H1-2: variants seen among roughly 807,000 people sequenced by gnomAD.
H1-2 encodes the protein histone H1.2.
H1-2 carries 7 observed loss-of-function variants against 7.2 expected under a neutral mutation model. The ratio of observed to expected loss-of-function variants is 0.97; its 90% CI spans 0.55 to 1.82. The LOEUF is 1.82. H1-2 is among the 40% of genes most tolerant of loss of function. The pLI, the probability that H1-2 is intolerant of heterozygous loss-of-function variation, is 0.00. For missense variants in H1-2, 703 were observed against 276.6 expected (o/e 2.54, Z -10.94); for synonymous variants, 300 against 118.2 (o/e 2.54, Z -9.98).
In H1-2 at chr6:26,055,832, C is replaced by G; in HGVS notation, c.597G>C (p.Lys199Asn). 2 of 1,612,390 alleles carry G rather than the reference C, an allele frequency of 1.2e-6. No homozygotes were observed. The highest frequency in any genetic ancestry group is 8.5e-7 in the Non-Finnish European group (1 of 1,179,436). Residue 199 changes from lysine to asparagine, a missense_variant, in exon 1 of 1, where the codon AAG (lysine) becomes AAC (asparagine). Physicochemically the swap from Lys to Asn is moderately conservative, Grantham distance 94. Transcript: ENST00000343677. ...AAKAVKPKAA[K>N]PKVVKPKKAA... ...CCTTCTTAGGCTTGACAACCTTGGG[C>G]TTAGCGGCCTTGGGCTTCACAGCCT...
In H1-2 at chr6:26,056,020, T is replaced by C. The variant is rs200367404; in HGVS notation, c.409A>G (p.Lys137Glu). The change falls in exon 1 of 1, where the codon AAG becomes GAG. Residue 137 changes from lysine to glutamate, a missense_variant. Coordinates refer to ENST00000343677, the MANE Select transcript of H1-2 (RefSeq NM_005319.4). ...GCGCCGCCAGCCGCCTTCTTGGGCT[T>C]CTTGGCTGCCCCAACTGGCTTCTTA... ...KPKKPVGAAK[K>E]PKKAAGGATP... 6 of 1,614,108 alleles carry C rather than the reference T, an allele frequency of 3.7e-6. No homozygotes were observed. The Admixed American group carries it at 6.7e-5, about 18-fold the overall frequency.
In H1-2 at chr6:26,056,029, C is replaced by T. The variant is rs1581645431; in HGVS notation, c.400G>A (p.Ala134Thr). Residue 134 changes from alanine (A) to threonine (T), a missense_variant, in exon 1 of 1, where the codon GCA (alanine) becomes ACA (threonine). Coordinates refer to ENST00000343677, the MANE Select transcript of H1-2 (RefSeq NM_005319.4). ...GGTKPKKPVGAAKKPKKAAGG... is the reference protein window; with the variant it reads ...GGTKPKKPVGTAKKPKKAAGG... ...GCCGCCTTCTTGGGCTTCTTGGCTGCCCCAACTGGCTTCTTAGGTTTGGTT... is the reference window on the plus strand; with the variant it reads ...GCCGCCTTCTTGGGCTTCTTGGCTGTCCCAACTGGCTTCTTAGGTTTGGTT... 2.5e-6 allele frequency: 4 copies of T among 1,614,052 alleles called. No homozygotes were observed. The highest frequency in any genetic ancestry group is 3.4e-6 in the Non-Finnish European group (4 of 1,180,014).
At position 26,056,398 on chromosome 6, in the gene H1-2, C is replaced by A. The variant is rs1554149758; in HGVS notation, c.31G>T (p.Ala11Ser). The change falls in exon 1 of 1, where the codon GCC becomes TCC. Residue 11 changes from alanine to serine, a missense_variant. Physicochemically the swap from Ala to Ser is moderately conservative, Grantham distance 99. Transcript: ENST00000343677. MSETAPAAPAAAPPAEKAPVK... is the reference protein window; with the variant it reads MSETAPAAPASAPPAEKAPVK... The stretch of plus-strand genomic sequence containing the variant: ...GGGGCCTTCTCCGCAGGAGGCGCGG[C>A]AGCGGGAGCGGCAGGAGCAGTCTCG... 4 of 1,600,394 alleles carry A rather than the reference C, an allele frequency of 2.5e-6. No homozygotes were observed. Among genetic ancestry groups the A allele is most frequent in the South Asian group, 2.2e-5 (2 of 89,842 alleles).
rs138866554 is a variant in H1-2 at position 26,056,415 on chromosome 6, G to A, written c.14C>T (p.Ala5Val). 37 of 1,596,978 alleles carry A rather than the reference G, an allele frequency of 2.3e-5. No homozygotes were observed. The highest frequency in any genetic ancestry group is 1.9e-4 in the African/African-American group (14 of 73,966). ...AGGCGCGGCAGCGGGAGCGGCAGGA[G>A]CAGTCTCGGACATGTTGAGAATCAA... MSET[A>V]PAAPAAAPPA... Residue 5 changes from alanine to valine, a missense_variant, in exon 1 of 1, where the codon GCT becomes GTT. Coordinates refer to ENST00000343677, the MANE Select transcript of H1-2 (RefSeq NM_005319.4).
rs61751205 is a variant in H1-2, at chr6:26,056,227, C to A, written c.202G>T (p.Ala68Ser). 31 of 1,614,128 alleles carry A rather than the reference C, an allele frequency of 1.9e-5. No homozygotes were observed. Among genetic ancestry groups the A allele is most frequent in the Non-Finnish European group, 2.5e-5 (29 of 1,180,056 alleles). ...SLAALKKALA[A>S]AGYDVEKNNS... Reference sequence around the variant, plus strand: ...TTTTTCTCCACATCATAGCCGGCGGCAGCCAACGCTTTTTTCAGAGCAGCC... The same window carrying A: ...TTTTTCTCCACATCATAGCCGGCGGAAGCCAACGCTTTTTTCAGAGCAGCC... The change falls in exon 1 of 1, where the codon GCC becomes TCC. Residue 68 changes from alanine to serine, a missense_variant. Physicochemically the swap from Ala to Ser is moderately conservative, Grantham distance 99 (BLOSUM62 1). Transcript: ENST00000343677.
At position 26,056,191 on chromosome 6, in the gene H1-2, T is replaced by A. The variant is rs756313281; in HGVS notation, c.238A>T (p.Ile80Phe). Residue 80 changes from isoleucine to phenylalanine, a missense_variant, in exon 1 of 1, where the codon ATC (isoleucine) becomes TTC (phenylalanine). By Grantham distance (21) the Ile-to-Phe change is conservative. Coordinates refer to ENST00000343677, the MANE Select transcript of H1-2 (RefSeq NM_005319.4). Reference sequence around the variant, plus strand: ...ACCAGGCTCTTGAGACCAAGTTTGATACGGCTGTTGTTTTTCTCCACATCA... The same window carrying A: ...ACCAGGCTCTTGAGACCAAGTTTGAAACGGCTGTTGTTTTTCTCCACATCA... ...GYDVEKNNSR[I>F]KLGLKSLVSK... The A allele has an allele frequency of 1.2e-6, 2 of 1,614,264 alleles. No homozygotes were observed. Among genetic ancestry groups the A allele is most frequent in the South Asian group, 1.1e-5 (1 of 91,092 alleles).
In H1-2 at chr6:26,055,841, C is replaced by T. The variant is rs533104162; in HGVS notation, c.588G>A (p.Lys196=). ...AKSAAKAVKP[K]AAKPKVVKPK... ...GCTTGACAACCTTGGGCTTAGCGGCCTTGGGCTTCACAGCCTTAGCAGCAC... is the reference window on the plus strand; with the variant it reads ...GCTTGACAACCTTGGGCTTAGCGGCTTTGGGCTTCACAGCCTTAGCAGCAC... The change falls in exon 1 of 1, where the codon AAG becomes AAA. Residue 196 remains lysine, a synonymous_variant. Coordinates refer to ENST00000343677, the MANE Select transcript of H1-2 (RefSeq NM_005319.4). 6 of 1,613,656 alleles carry T rather than the reference C, an allele frequency of 3.7e-6. No homozygotes were observed. Among genetic ancestry groups the T allele is most frequent in the South Asian group, 1.1e-5 (1 of 91,006 alleles).
chr6:26,056,085 T>G lies in H1-2; in HGVS notation c.344A>C (p.Glu115Ala). The G allele has an allele frequency of 1.2e-6, 2 of 1,614,206 alleles. No individual in the cohort carries two copies. The highest frequency in any genetic ancestry group is 1.7e-6 in the Non-Finnish European group (2 of 1,180,032). The change falls in exon 1 of 1, where the codon GAA becomes GCA. Residue 115 changes from glutamate to alanine, a missense_variant. Transcript: ENST00000343677. Reference sequence around the variant, plus strand: ...CGCCTTTTTAACCTTGGGCTTGGCTTCCCCGGAGGCTGCCTTCTTGTTGAG... The same window carrying G: ...CGCCTTTTTAACCTTGGGCTTGGCTGCCCCGGAGGCTGCCTTCTTGTTGAG... Reference protein sequence around the residue: ...FKLNKKAASGEAKPKVKKAGG... With the variant: ...FKLNKKAASGAAKPKVKKAGG...
At position 26,055,868 on chromosome 6, in the gene H1-2, T is replaced by C. The variant is rs1436157574; in HGVS notation, c.561A>G (p.Lys187=). ...TGGGCTTCACAGCCTTAGCAGCACTTTTGGCAGCTTTCTTGGGCTTCGCAA... is the reference window on the plus strand; with the variant it reads ...TGGGCTTCACAGCCTTAGCAGCACTCTTGGCAGCTTTCTTGGGCTTCGCAA... ...AKVAKPKKAA[K]SAAKAVKPKA... is the part of the protein sequence containing the mutation. The change falls in exon 1 of 1, where the codon AAA becomes AAG. Residue 187 remains lysine, a synonymous_variant. Transcript: ENST00000343677. 1.9e-6 allele frequency: 3 copies of C among 1,613,988 alleles called. No individual in the cohort carries two copies. Among genetic ancestry groups the C allele is most frequent in the Non-Finnish European group, 1.7e-6 (2 of 1,179,956 alleles).
At position 26,055,958 on chromosome 6, in the gene H1-2, TTTCTTCGGTGTTTTCTTAGCGCTC is replaced by T. The variant is rs769833501; in HGVS notation, c.447_470del (p.Ser150_Lys157del). ...CAGTGGCCGCGGCCGGCTTCTTCGC[TTTCTTCGGTGTTTTCTTAGCGCTC>T]TTCTTCGGAGTTGCGCCGCCAGCCG... On this transcript the variant is annotated inframe_deletion, in exon 1 of 1. Transcript: ENST00000343677. The T allele has an allele frequency of 3.7e-6, 6 of 1,614,064 alleles. No homozygotes were observed. The highest frequency in any genetic ancestry group is 1.1e-5 in the South Asian group (1 of 91,080).
rs1332170864 is a variant in H1-2 at position 26,056,305 on chromosome 6, C to G, written c.124G>C (p.Glu42Gln). The G allele has an allele frequency of 3.2e-5, 52 of 1,614,020 alleles. No homozygotes were observed. Among genetic ancestry groups the G allele is most frequent in the Non-Finnish European group, 4.3e-5 (51 of 1,179,972 alleles). Residue 42 changes from glutamate to glutamine, a missense_variant, in exon 1 of 1, where the codon GAG (glutamate) becomes CAG (glutamine). Transcript: ENST00000343677. ...PRKASGPPVS[E>Q]LITKAVAASK... ...GCGGCCACAGCCTTGGTGATGAGCTCTGACACCGGGGGACCAGACGCCTTA... is the reference window on the plus strand; with the variant it reads ...GCGGCCACAGCCTTGGTGATGAGCTGTGACACCGGGGGACCAGACGCCTTA...
chr6:26,055,826 C>G lies in H1-2; in HGVS notation c.603G>C (p.Lys201Asn), dbSNP rs762236209. The change falls in exon 1 of 1, where the codon AAG becomes AAC. Residue 201 changes from lysine (K) to asparagine (N), a missense_variant. By Grantham distance (94) the Lys-to-Asn change is moderately conservative. Coordinates refer to ENST00000343677, the MANE Select transcript of H1-2 (RefSeq NM_005319.4). ...GCGCCGCCTTCTTAGGCTTGACAAC[C>G]TTGGGCTTAGCGGCCTTGGGCTTCA... ...KAVKPKAAKP[K>N]VVKPKKAAPK... is the part of the protein sequence containing the mutation. The G allele has an allele frequency of 5.6e-6, 9 of 1,611,538 alleles. 1 individual carries two copies. The Admixed American group carries it at 8.4e-5, about 15-fold the overall frequency.
In H1-2 at chr6:26,056,054, T is replaced by G. The variant is rs755697925; in HGVS notation, c.375A>C (p.Gly125=). 6.2e-7 allele frequency: 1 copy of G among 1,614,182 alleles called. No homozygotes were observed. Among genetic ancestry groups the G allele is most frequent in the Non-Finnish European group, 8.5e-7 (1 of 1,180,038 alleles). Residue 125 remains glycine, a synonymous_variant, in exon 1 of 1, where the codon GGA becomes GGC. Transcript: ENST00000343677. The part of the protein sequence containing the change: ...EAKPKVKKAG[G]TKPKKPVGAA... ...CCCCAACTGGCTTCTTAGGTTTGGT[T>G]CCGCCCGCCTTTTTAACCTTGGGCT...
rs1394482099 is a variant in H1-2, at chr6:26,056,255, A to G, written c.174T>C (p.Ser58=). The G allele has an allele frequency of 6.2e-7, 1 of 1,614,218 alleles. No homozygotes were observed. Among genetic ancestry groups the G allele is most frequent in the Admixed American group, 1.7e-5 (1 of 60,024 alleles). ...CCAACGCTTTTTTCAGAGCAGCCAGAGAAACTCCGCTACGCTCTTTAGAGG... is the reference window on the plus strand; with the variant it reads ...CCAACGCTTTTTTCAGAGCAGCCAGGGAAACTCCGCTACGCTCTTTAGAGG... ...VAASKERSGV[S]LAALKKALAA... Residue 58 remains serine, a synonymous_variant, in exon 1 of 1, where the codon TCT becomes TCC. Coordinates refer to ENST00000343677, the MANE Select transcript of H1-2 (RefSeq NM_005319.4).
chr6:26,055,930 T>C lies in H1-2; in HGVS notation c.499A>G (p.Thr167Ala), dbSNP rs1289534201. ...KAKKPAAATV[T>A]KKVAKSPKKA... Reference sequence around the variant, plus strand: ...TTTGGGCTCTTAGCCACTTTCTTGGTTACAGTGGCCGCGGCCGGCTTCTTC... The same window carrying C: ...TTTGGGCTCTTAGCCACTTTCTTGGCTACAGTGGCCGCGGCCGGCTTCTTC... Residue 167 changes from threonine (T) to alanine (A), a missense_variant, in exon 1 of 1, where the codon ACC (threonine) becomes GCC (alanine). By Grantham distance (58) the Thr-to-Ala change is moderately conservative. Coordinates refer to ENST00000343677, the MANE Select transcript of H1-2 (RefSeq NM_005319.4). 1.9e-6 allele frequency: 3 copies of C among 1,614,150 alleles called. No homozygotes were observed. Among genetic ancestry groups the C allele is most frequent in the Non-Finnish European group, 1.7e-6 (2 of 1,180,028 alleles).
chr6:26,056,021 C>T lies in H1-2; in HGVS notation c.408G>A (p.Lys136=), dbSNP rs150843466. ...CGCCGCCAGCCGCCTTCTTGGGCTT[C>T]TTGGCTGCCCCAACTGGCTTCTTAG... ...TKPKKPVGAA[K]KPKKAAGGAT... is the part of the protein sequence containing the mutation. Residue 136 remains lysine, a synonymous_variant, in exon 1 of 1, where the codon AAG becomes AAA. Transcript: ENST00000343677. The T allele has an allele frequency of 4.6e-5, 75 of 1,614,112 alleles. No homozygotes were observed. The African/African-American group carries it at 8.5e-4, about 18-fold the overall frequency.
rs140186432 is a variant in H1-2 at position 26,055,854 on chromosome 6, G to C, written c.575C>G (p.Ala192Gly). 1 of 1,614,116 alleles carries C rather than the reference G, an allele frequency of 6.2e-7. No individual in the cohort carries two copies. The stretch of plus-strand genomic sequence containing the variant: ...GGGCTTAGCGGCCTTGGGCTTCACA[G>C]CCTTAGCAGCACTTTTGGCAGCTTT... ...PKKAAKSAAKAVKPKAAKPKV... is the reference protein window; with the variant it reads ...PKKAAKSAAKGVKPKAAKPKV... The change falls in exon 1 of 1, where the codon GCT (alanine) becomes GGT (glycine). Residue 192 changes from alanine to glycine, a missense_variant. Coordinates refer to ENST00000343677, the MANE Select transcript of H1-2 (RefSeq NM_005319.4).
chr6:26,055,798 T>C lies in H1-2; in HGVS notation c.631A>G (p.Lys211Glu). 6.3e-7 allele frequency: 1 copy of C among 1,593,046 alleles called. No homozygotes were observed. Among genetic ancestry groups the C allele is most frequent in the Non-Finnish European group, 8.5e-7 (1 of 1,174,482 alleles). ...AAGTAGGCGTTCGCCTATTTCTTCT[T>C]GGGCGCCGCCTTCTTAGGCTTGACA... ...KVVKPKKAAP[K>E]KK The change falls in exon 1 of 1, where the codon AAG becomes GAG. Residue 211 changes from lysine to glutamate, a missense_variant. Transcript: ENST00000343677.
Position 26,056,244 on chromosome 6 carries a change from A to C in H1-2, c.185T>G (p.Leu62Arg). The change falls in exon 1 of 1, where the codon CTG (leucine) becomes CGG (arginine). Residue 62 changes from leucine to arginine, a missense_variant. Physicochemically the swap from Leu to Arg is moderately radical, Grantham distance 102. Coordinates refer to ENST00000343677, the MANE Select transcript of H1-2 (RefSeq NM_005319.4). ...GCCGGCGGCAGCCAACGCTTTTTTC[A>C]GAGCAGCCAGAGAAACTCCGCTACG... ...KERSGVSLAALKKALAAAGYD... is the reference protein window; with the variant it reads ...KERSGVSLAARKKALAAAGYD... The C allele has an allele frequency of 6.2e-7, 1 of 1,614,172 alleles. No homozygotes were observed. Among genetic ancestry groups the C allele is most frequent in the Admixed American group, 1.7e-5 (1 of 60,030 alleles).
Sources: gnomAD v4.1 joint callset for allele counts on GRCh38, gnomAD v4.1.1 for gene constraint, MANE v1.5 for transcripts, NCBI Gene and HGNC (gene_info 2026-07-23, HGNC 2026-07-21) for gene names.